Variants in FBXO34 observed in about 807,000 individuals in gnomAD.
FBXO34 encodes the protein F-box protein 34, also known as F-box only protein 34.
FBXO34 carries 12 observed loss-of-function variants against 24.5 expected under a neutral mutation model. The ratio of observed to expected loss-of-function variants is 0.49; its 90% CI spans 0.31 to 0.79. The LOEUF is 0.79. Among genes scored for constraint, FBXO34 ranks in the 30% least tolerant of loss-of-function variants. The pLI is 0.04. For missense variants in FBXO34, 823 were observed against 857.7 expected (o/e 0.96, Z 0.51); for synonymous variants, 320 against 311.9 (o/e 1.03, Z -0.27).
the FBXO34 span, among the ~76,000 whole-genome samples, chr14:55,439,617 C>CCGCCCCCCCCG: frequency 1.4e-5 from 1 of 72,628 alleles, no homozygotes; most frequent in Non-Finnish European, 3.0e-5. Context: ...AAAGCAAACC[C>CCGCCCCCCCCG]CCCCCCGTCT....
chr14:55,313,224 ACCAGTTT>A lies in FBXO34; in HGVS notation c.-10-37155_-10-37149del, dbSNP rs376175816. Among the ~76,000 whole-genome samples, 336 of 152,290 alleles carry A rather than the reference ACCAGTTT, an allele frequency of 2.2e-3. 3 individuals are homozygous for A. Among genetic ancestry groups the A allele is most frequent in the African/African-American group, 7.4e-3 (309 of 41,570 alleles). On this transcript the variant is annotated intron_variant, in intron 1 of 1. Coordinates refer to ENST00000313833, the MANE Select transcript of FBXO34 (RefSeq NM_017943.4). ...ATCTCTAAGGTAGGGGCAAAATGTT[ACCAGTTT>A]CTTTGCTAAAACATACTGAGAGTCA...
At chr14:55,427,190 A>G in the FBXO34 span, among the ~76,000 whole-genome samples, 1 of 152,186 alleles carries the variant, frequency 6.6e-6, no homozygotes, top group African/African-American at 2.4e-5. Context: ...ATACCTAAAG[A>G]GGCAACATGT....
chr14:55,316,564 CAAA>C (rs35008153), intron 1 of FBXO34, among the ~76,000 whole-genome samples: 36 of 118,154 alleles, frequency 3.0e-4, no homozygotes, highest in Non-Finnish European at 3.7e-4. Flanking sequence ...CTGTCTCTAC[CAAA>C]AAAAAAAAAA....
At chr14:55,335,133 G>T (rs1162307051) in intron 1 of FBXO34, among the ~76,000 whole-genome samples, 5 of 152,172 alleles carry the variant, frequency 3.3e-5, no homozygotes, top group Admixed American at 1.3e-4. Flanking sequence ...GGTGCTTTTA[G>T]TCAAAGGAGT....
At chr14:55,411,313 T>C in the FBXO34 span, among the ~76,000 whole-genome samples, 56 of 152,226 alleles carry the variant, frequency 3.7e-4, 1 homozygote, top group Middle Eastern at 3.2e-3. Context: ...ACGGGAAAAC[T>C]TCTCCAGAGA....
chr14:55,298,584 G>T, intron 1 of FBXO34: 1 of 805,968 alleles, frequency 1.2e-6, no homozygotes, highest in South Asian at 1.8e-5. Context: ...GGGTGGAGGC[G>T]GAGGAGGGCG....
downstream of FBXO34, among the ~76,000 whole-genome samples, chr14:55,363,674 C>T (rs554561725): frequency 6.6e-6 from 1 of 152,128 alleles, no homozygotes; most frequent in African/African-American, 2.4e-5. Context: ...GGCCCATGAG[C>T]TGCATGCGGC....
the FBXO34 span, chr14:55,411,831 G>C: frequency 1.3e-6 from 2 of 1,581,570 alleles, no homozygotes; most frequent in East Asian, 2.3e-5. Context: ...ATGATGGCCT[G>C]AGAGGAGAGC....
intron 3 of FBXO34, among the ~76,000 whole-genome samples, chr14:55,360,627 G>A (rs1211647389): frequency 6.6e-6 from 1 of 151,850 alleles, no homozygotes; most frequent in Non-Finnish European, 1.5e-5. Context: ...TGTTTTACAC[G>A]CGATGTTTAT....
chr14:55,418,088 C>G, the FBXO34 span, among the ~76,000 whole-genome samples: 5 of 152,222 alleles, frequency 3.3e-5, no homozygotes, highest in African/African-American at 1.2e-4. Context: ...GAGGAATATA[C>G]TTCCAGCTTA....
At chr14:55,312,407 G>C (rs1458208144) in intron 1 of FBXO34, among the ~76,000 whole-genome samples, 4 of 152,122 alleles carry the variant, frequency 2.6e-5, no homozygotes, top group African/African-American at 9.7e-5. Context: ...CAAGCTGTCA[G>C]TGGCCCTACC....
At chr14:55,295,567 TG>T (rs1882094157) in intron 1 of FBXO34, among the ~76,000 whole-genome samples, 1 of 152,066 alleles carries the variant, frequency 6.6e-6, no homozygotes, top group African/African-American at 2.4e-5. Context: ...GCTAGTTTTT[TG>T]TATTTTTAGT....
chr14:55,423,404 A>T, the FBXO34 span, among the ~76,000 whole-genome samples: 1 of 152,054 alleles, frequency 6.6e-6, no homozygotes, highest in South Asian at 2.1e-4. Flanking sequence ...CTGAGTGTCC[A>T]CACTAATATC....
chr14:55,298,910 C>T, intron 1 of FBXO34: 3 of 1,581,510 alleles, frequency 1.9e-6, no homozygotes, highest in South Asian at 1.1e-5. Flanking sequence ...ATGCCAACAC[C>T]AATACCGAGG....
At chr14:55,342,887 G>A (rs1249705086) in intron 1 of FBXO34, among the ~76,000 whole-genome samples, 2 of 152,190 alleles carry the variant, frequency 1.3e-5, no homozygotes, top group African/African-American at 2.4e-5. Flanking sequence ...GTAGGTTTTC[G>A]ATATATCATC....
At chr14:55,271,865 C>T (rs1028661579) in intron 1 of FBXO34, 5 of 152,048 alleles carry the variant, frequency 3.3e-5, no homozygotes, top group African/African-American at 9.7e-5. Context: ...TTGCACCGGA[C>T]CGGCGCTCCC....
At chr14:55,340,939 G>C (rs78728559) in intron 1 of FBXO34, among the ~76,000 whole-genome samples, 2,146 of 152,258 alleles carry the variant, frequency 0.014, 57 homozygotes, top group African/African-American at 0.049. Flanking sequence ...AGTACTGCAA[G>C]TGATGTCAGA....
At chr14:55,327,648 G>C (rs1883383372) in intron 1 of FBXO34, among the ~76,000 whole-genome samples, 3 of 152,064 alleles carry the variant, frequency 2.0e-5, no homozygotes, top group Admixed American at 6.6e-5. Context: ...AAAGTGCATA[G>C]GGAATCAGGA....
chr14:55,286,561 A>C (rs940014994), intron 1 of FBXO34, among the ~76,000 whole-genome samples: 1 of 152,132 alleles, frequency 6.6e-6, no homozygotes, highest in African/African-American at 2.4e-5. Context: ...CTGAAATTCT[A>C]CTTTATGGAA....
Sources: gnomAD v4.1 joint callset for allele counts (sites outside exome capture counted in the v4.1 genomes callset) on GRCh38, gnomAD v4.1.1 for gene constraint, MANE v1.5 for transcripts, NCBI Gene and HGNC (gene_info 2026-07-23, HGNC 2026-07-21) for gene names.